SMU1: variants seen among roughly 807,000 people sequenced by gnomAD.
SMU1 encodes SMU1 DNA replication regulator and spliceosomal factor, also known as WD40 repeat-containing protein SMU1.
Under a neutral mutation model 62.0 loss-of-function variants are expected in SMU1, and 2 were observed. The observed-to-expected ratio is 0.03, with a 90% CI of 0.01 to 0.10. The LOEUF (loss-of-function observed/expected upper bound fraction) is 0.10, where lower values mean the gene tolerates loss of function less well. Ranked by LOEUF, SMU1 falls within the 10% of genes least tolerant of loss-of-function variation. The pLI is 1.00. For missense variants in SMU1, 227 were observed against 622.1 expected (o/e 0.36, Z 6.76); for synonymous variants, 188 against 212.4 (o/e 0.89, Z 1.00).
rs759935844 is a variant in SMU1, at chr9:33,076,646, C to T, written c.-38G>A. ...CCGGGAGCAGGCCCCAGCTCTCCCT[C>T]AAGGCCAGTCGCGCAACACACCAAC... On this transcript the variant is annotated 5_prime_UTR_variant, in exon 1 of 12. Coordinates refer to ENST00000397149, the MANE Select transcript of SMU1 (RefSeq NM_018225.3). 6.2e-7 allele frequency: 1 copy of T among 1,613,594 alleles called. No homozygotes were observed. Among genetic ancestry groups the T allele is most frequent in the Admixed American group, 1.7e-5 (1 of 60,024 alleles).
intron 5 of SMU1, among the ~76,000 whole-genome samples, chr9:33,060,972 CA>C (rs1207635564): frequency 1.3e-5 from 2 of 152,158 alleles, no homozygotes; most frequent in African/African-American, 4.8e-5. Flanking sequence ...TTGTGTATCT[CA>C]GGGGGAAAAA....
chr9:33,063,129 A>G (rs1046710590), intron 4 of SMU1, among the ~76,000 whole-genome samples: 1 of 152,232 alleles, frequency 6.6e-6, no homozygotes, highest in African/African-American at 2.4e-5. Flanking sequence ...TGGGAGGCCA[A>G]GGTGGGCAGA....
Position 33,057,622 on chromosome 9 carries a change from A to G in SMU1, c.843T>C (p.Thr281=). Residue 281 remains threonine (T), a synonymous_variant, in exon 7 of 12, where the codon ACT becomes ACC. Transcript: ENST00000397149. ...CFSRDTEMLA[T]GAQDGKIKVW... ...CCTTGATTTTTCCATCTTGGGCCCC[A>G]GTTGCTAACATTTCTGTATCTCTGC... 1.2e-6 allele frequency: 2 copies of G among 1,613,974 alleles called. No individual in the cohort carries two copies. Among genetic ancestry groups the G allele is most frequent in the Non-Finnish European group, 1.7e-6 (2 of 1,180,000 alleles).
intron 1 of SMU1, among the ~76,000 whole-genome samples, chr9:33,075,667 T>G (rs1409583534): frequency 6.6e-6 from 1 of 152,222 alleles, no homozygotes; most frequent in African/African-American, 2.4e-5. Flanking sequence ...ATCAAAGTTA[T>G]GTGACCTTGG....
At chr9:33,072,214 G>GT (rs1204660066) in intron 2 of SMU1, among the ~76,000 whole-genome samples, 1 of 152,168 alleles carries the variant, frequency 6.6e-6, no homozygotes, top group Non-Finnish European at 1.5e-5. Flanking sequence ...GTATATGCCT[G>GT]TAATTCCAGC....
chr9:33,062,306 T>C, intron 4 of SMU1, 129 bp from the exon 5 acceptor site: 1 of 1,254,046 alleles, frequency 8.0e-7, no homozygotes, highest in South Asian at 1.7e-5. Flanking sequence ...CCCAACTATT[T>C]TTGGCCATCC....
At position 33,044,596 on chromosome 9, in the gene SMU1, C is replaced by T. The variant is rs777365576; in HGVS notation, c.*2697G>A. The T allele has an allele frequency of 3.9e-5, 6 of 152,212 alleles. No homozygotes were observed. The highest frequency in any genetic ancestry group is 7.3e-5 in the Non-Finnish European group (5 of 68,092). 9.4% of individuals were successfully genotyped at this position (152,212 alleles called of 1,614,324 possible). A position where few individuals can be genotyped will look rare whatever the true frequency, so the allele number is the denominator to read the frequency against. On this transcript the variant is annotated 3_prime_UTR_variant, in exon 12 of 12. Coordinates refer to ENST00000397149, the MANE Select transcript of SMU1 (RefSeq NM_018225.3). Reference sequence around the variant, plus strand: ...CGTGGGGCTTCAGAAAGGCTAGGCGCCGAGGAGTGTAAGCAGCGTGTGCCC... The same window carrying T: ...CGTGGGGCTTCAGAAAGGCTAGGCGTCGAGGAGTGTAAGCAGCGTGTGCCC...
chr9:33,057,009 GTCCTACTAT>G, intron 7 of SMU1, 45 bp from the exon 8 acceptor site: 1 of 1,580,116 alleles, frequency 6.3e-7, no homozygotes, highest in Non-Finnish European at 8.6e-7. Flanking sequence ...CTTGTTAAGT[GTCCTACTAT>G]TAATAGCCCA....
chr9:33,059,622 C>A (rs762160024), intron 6 of SMU1, among the ~76,000 whole-genome samples: 1 of 146,498 alleles, frequency 6.8e-6, no homozygotes, highest in African/African-American at 2.6e-5. Context: ...TTTTTTCCCC[C>A]GAGATGGAGT....
chr9:33,055,664 C>T (rs1839296173), intron 9 of SMU1, among the ~76,000 whole-genome samples: 1 of 152,182 alleles, frequency 6.6e-6, no homozygotes, highest in Admixed American at 6.5e-5. Context: ...CTCTCCTATT[C>T]CTCTATAAAT....
rs567461016 is a variant in SMU1, at chr9:33,071,966, A to G, written c.238-74T>C. 2.0e-4 allele frequency: 278 copies of G among 1,409,018 alleles called. 2 individuals are homozygous for G. In the South Asian group the frequency reaches 3.8e-3, roughly 20 times the overall value. 87.3% of individuals were successfully genotyped at this position (1,409,018 alleles called of 1,614,324 possible). On this transcript the variant is annotated intron_variant, in intron 2 of 11. Transcript: ENST00000397149. ...CGTCTTATTAATATTTTTCGGTAAA[A>G]TATCTAACACAGATATGGCCTGTCA...
chr9:33,056,416 C>G (rs1408333156), intron 8 of SMU1, among the ~76,000 whole-genome samples, 177 bp from the exon 9 acceptor site: 1 of 152,152 alleles, frequency 6.6e-6, no homozygotes, highest in Non-Finnish European at 1.5e-5. Context: ...CAAACAAAAG[C>G]TTTGCAAAGA....
chr9:33,057,549 A>C, intron 7 of SMU1, 49 bp downstream of exon 7: 1 of 1,607,168 alleles, frequency 6.2e-7, no homozygotes, highest in Non-Finnish European at 8.5e-7. Flanking sequence ...ACCCCATAGC[A>C]GAACATTCAA....
At chr9:33,056,404 A>G (rs1263484174) in intron 8 of SMU1, 165 bp from the exon 9 acceptor site, 1 of 340,680 alleles carries the variant, frequency 2.9e-6, no homozygotes, top group Non-Finnish European at 4.2e-6. Context: ...ATATCAAACA[A>G]TCAAACAAAA....
In SMU1 at chr9:33,044,441, C is replaced by G. The variant is rs533908421; in HGVS notation, c.*2852G>C. ...AGATGGGACTCCTACCTCCGACCAC[C>G]CGGAGCAGCGGCGCCCCAGATCCGG... On this transcript the variant is annotated 3_prime_UTR_variant, in exon 12 of 12. Transcript: ENST00000397149. 6.6e-6 allele frequency: 1 copy of G among 152,520 alleles called. No homozygotes were observed. The highest frequency in any genetic ancestry group is 2.4e-5 in the African/African-American group (1 of 41,596). 9.4% of individuals were successfully genotyped at this position (152,520 alleles called of 1,614,324 possible). A position where few individuals can be genotyped will look rare whatever the true frequency, so the allele number is the denominator to read the frequency against.
Position 33,047,403 on chromosome 9 carries a change from A to C in SMU1, c.1444-12T>G. On this transcript the variant is annotated splice_polypyrimidine_tract_variant and intron_variant, in intron 11 of 11. Transcript: ENST00000397149. ...TCCTTCTCGTGCACCTGGAACATGT[A>C]AAGCACAGGGTTAGGATGTACAGAT... 6.2e-7 allele frequency: 1 copy of C among 1,610,238 alleles called. No individual in the cohort carries two copies. The highest frequency in any genetic ancestry group is 1.1e-5 in the South Asian group (1 of 90,864).
At chr9:33,073,963 A>AC (rs538922661) in intron 1 of SMU1, 157 bp from the exon 2 acceptor site, 19 of 195,832 alleles carry the variant, frequency 9.7e-5, no homozygotes, top group East Asian at 5.6e-4. Context: ...TTATAAGGGG[A>AC]CCCCCCCTAA....
At chr9:33,067,297 CAA>C (rs58105257) in intron 4 of SMU1, among the ~76,000 whole-genome samples, 611 of 52,662 alleles carry the variant, frequency 0.012, 3 homozygotes, top group African/African-American at 0.057. Context: ...TGCTAATGAC[CAA>C]AAAAAAAAAA....
chr9:33,057,783 C>G, intron 6 of SMU1, 69 bp from the exon 7 acceptor site: 1 of 1,592,678 alleles, frequency 6.3e-7, no homozygotes. Flanking sequence ...TACAAACTCA[C>G]AAAAACCAGG....
Sources: allele counts gnomAD v4.1 joint callset (sites outside exome capture counted in the v4.1 genomes callset), GRCh38; gene constraint gnomAD v4.1.1; transcripts MANE v1.5; gene names NCBI Gene and HGNC (gene_info 2026-07-23, HGNC 2026-07-21).